The following GTF3C2 variants were observed in gnomAD, a reference collection of about 807,000 sequenced individuals.
GTF3C2 encodes general transcription factor IIIC subunit 2.
In GTF3C2, 17 loss-of-function variants were observed where a neutral mutation model predicts 117.4. That is an observed-to-expected ratio of 0.14 (90% CI 0.10 to 0.22). The LOEUF is 0.22. GTF3C2 is among the 10% of genes least tolerant of loss of function. The pLI is 1.00. For missense variants in GTF3C2, 888 were observed against 1,143.6 expected (o/e 0.78, Z 3.22); for synonymous variants, 437 against 427.0 (o/e 1.02, Z -0.29).
At chr2:27,337,408 T>C (rs1477556726) in intron 6 of GTF3C2, 66 bp from the exon 7 acceptor site, 17 of 1,466,004 alleles carry the variant, frequency 1.2e-5, no homozygotes, top group South Asian at 4.5e-5. Flanking sequence ...GTTCCCATTA[T>C]AGAGCCTCTG....
At chr2:27,326,713 A>C in exon 19 of GTF3C2, 1 of 1,614,118 alleles carries the variant, frequency 6.2e-7, no homozygotes, top group Non-Finnish European at 8.5e-7. Context: ...GTTGGAGAGA[A>C]GCCAGGCCGT....
chr2:27,342,345 C>A, intron 3 of GTF3C2, 112 bp from the exon 4 acceptor site: 2 of 798,116 alleles, frequency 2.5e-6, no homozygotes, highest in Non-Finnish European at 3.9e-6. Context: ...CATGATTAAC[C>A]AATTAACTCT....
chr2:27,333,179 T>TC (rs1159806856), intron 12 of GTF3C2, among the ~76,000 whole-genome samples: 3 of 147,022 alleles, frequency 2.0e-5, no homozygotes, highest in Admixed American at 6.8e-5. Context: ...TTTTTTTTTT[T>TC]CCAGACAGGA....
At chr2:27,350,565 C>T in intron 1 of GTF3C2, 1 of 924,586 alleles carries the variant, frequency 1.1e-6, no homozygotes, top group Non-Finnish European at 1.3e-6. Context: ...TTTGGGAGGC[C>T]AAGGTGGGAG....
rs769518542 is a variant in GTF3C2, at chr2:27,326,766, C to T, written c.2645G>A (p.Arg882Gln). 30 of 1,613,890 alleles carry T rather than the reference C, an allele frequency of 1.9e-5. No individual in the cohort carries two copies. The Admixed American group carries it at 3.2e-4, about 17-fold the overall frequency. The change falls in exon 19 of 19, where the codon CGA (arginine) becomes CAA (glutamine). Residue 882 changes from arginine (R) to glutamine (Q), a missense_variant. Around this residue, in one of 7 missense-constraint regions of GTF3C2, gnomAD observed 53 missense variants for 43.6 expected, o/e 1.22. Coordinates refer to ENST00000264720, the Ensembl canonical transcript of GTF3C2. ...TTGGAACATAGCATTGAAGTGGGCT[C>T]GGCTTTCAAGCTGCATACGGTGGCC...
At position 27,342,061 on chromosome 2, in the gene GTF3C2, A is replaced by G. The variant is rs756459951; in HGVS notation, c.742T>C (p.Phe248Leu). 6 of 1,613,988 alleles carry G rather than the reference A, an allele frequency of 3.7e-6. No homozygotes were observed. In the Admixed American group the frequency reaches 5.0e-5, roughly 13 times the overall value. The change falls in exon 4 of 19, where the codon TTT becomes CTT. Residue 248 changes from phenylalanine (F) to leucine (L), a missense_variant. Phe to Leu is a conservative substitution (Grantham distance 22, BLOSUM62 0). Transcript: ENST00000264720. ...TCTTCAGCCTCAACCTGGAGAAAAAAGTCTTCATCCCGTGGAGCACCATCC... is the reference window on the plus strand; with the variant it reads ...TCTTCAGCCTCAACCTGGAGAAAAAGGTCTTCATCCCGTGGAGCACCATCC...
At chr2:27,351,606 C>T (rs548571689) in intron 1 of GTF3C2, among the ~76,000 whole-genome samples, 74 of 152,256 alleles carry the variant, frequency 4.9e-4, no homozygotes, top group African/African-American at 1.7e-3. Context: ...AAAATCTGCA[C>T]CAGCAAATAC....
chr2:27,329,156 A>G lies in GTF3C2; in HGVS notation c.2004T>C (p.Asn668=). Residue 668 remains asparagine, a synonymous_variant, in exon 14 of 19, where the codon AAT becomes AAC. Coordinates refer to ENST00000264720, the Ensembl canonical transcript of GTF3C2. This position sits in a 1 kb window ranked among gnomAD's most constrained non-coding sequence, Gnocchi z 4.5. ...AGTTGTCCTGAGCCACAGTGACACC[A>G]TTGTAGGGAAGCAGCCAGGCCAGTT... 6.2e-7 allele frequency: 1 copy of G among 1,614,146 alleles called. No individual in the cohort carries two copies. The highest frequency in any genetic ancestry group is 8.5e-7 in the Non-Finnish European group (1 of 1,180,014).
rs1014096871 is a variant in GTF3C2, at chr2:27,342,723, C to T, written c.569+103G>A. ...AAGTCCCTAGAATCCAGACACCACC[C>T]CTGCTTACCTAATACCTCATCAGTC... On this transcript the variant is annotated intron_variant, in intron 3 of 18. Coordinates refer to ENST00000264720, the Ensembl canonical transcript of GTF3C2. 3.4e-5 allele frequency: 28 copies of T among 833,300 alleles called. No individual in the cohort carries two copies. In the Admixed American group the frequency reaches 5.9e-4, roughly 18 times the overall value. 51.6% of individuals were successfully genotyped at this position (833,300 alleles called of 1,614,324 possible).
At chr2:27,348,904 T>C (rs1387241411) in intron 1 of GTF3C2, among the ~76,000 whole-genome samples, 1 of 152,154 alleles carries the variant, frequency 6.6e-6, no homozygotes, top group Admixed American at 6.5e-5. Context: ...TGGCCTGATC[T>C]CAGCTCACTG....
At chr2:27,342,324 C>T (rs1037217364) in intron 3 of GTF3C2, 91 bp from the exon 4 acceptor site, 9 of 975,304 alleles carry the variant, frequency 9.2e-6, no homozygotes, top group African/African-American at 1.6e-5. Context: ...AATGGAGCCT[C>T]CCAATAACCC....
intron 1 of GTF3C2, among the ~76,000 whole-genome samples, chr2:27,347,765 A>G (rs1175328658): frequency 6.6e-6 from 1 of 152,212 alleles, no homozygotes; most frequent in African/African-American, 2.4e-5. Context: ...AACAGTATTA[A>G]GAGGTGGGAT....
chr2:27,335,778 C>T (rs1312805829), intron 9 of GTF3C2, 72 bp from the exon 10 acceptor site: 2 of 1,137,910 alleles, frequency 1.8e-6, no homozygotes, highest in African/African-American at 3.1e-5. Flanking sequence ...GGTTCTAGTC[C>T]CTGAAATACT....
At chr2:27,356,527 C>A (rs911646683) in intron 1 of GTF3C2, 1 of 226,372 alleles carries the variant, frequency 4.4e-6, no homozygotes, top group African/African-American at 2.2e-5. Flanking sequence ...AGACCCGAGG[C>A]TTGCAGAGAT....
rs917634861 is a variant in GTF3C2 at position 27,350,931 on chromosome 2, A to G, written c.-25+5808T>C. Among the ~76,000 whole-genome samples, 10 of 149,416 alleles carry G rather than the reference A, an allele frequency of 6.7e-5. No individual in the cohort carries two copies. In the South Asian group the frequency reaches 1.9e-3, roughly 29 times the overall value. ...ACCACTGCACTCTAGTCTGGGCGACACAGCAAGACTCCATCTCAAAAAAAA... is the reference window on the plus strand; with the variant it reads ...ACCACTGCACTCTAGTCTGGGCGACGCAGCAAGACTCCATCTCAAAAAAAA... On this transcript the variant is annotated intron_variant, in intron 1 of 18. Transcript: ENST00000264720.
At chr2:27,350,505 G>C (rs1289062126) in intron 1 of GTF3C2, 1 of 985,504 alleles carries the variant, frequency 1.0e-6, no homozygotes, top group African/African-American at 1.7e-5. Flanking sequence ...GCTGGCTCAA[G>C]AATCATGTGC....
intron 12 of GTF3C2, among the ~76,000 whole-genome samples, chr2:27,333,290 T>C (rs949806692): frequency 3.3e-5 from 5 of 150,616 alleles, no homozygotes; most frequent in Admixed American, 6.7e-5. Flanking sequence ...TAGCTAGGAC[T>C]CCAGGCATGT....
chr2:27,356,039 T>C, intron 1 of GTF3C2: 1 of 1,186,404 alleles, frequency 8.4e-7, no homozygotes, highest in South Asian at 1.3e-5. Flanking sequence ...TGGCACGGGA[T>C]TGACTTAAAA....
chr2:27,328,586 C>T, exon 16 of GTF3C2: 1 of 1,611,276 alleles, frequency 6.2e-7, no homozygotes, highest in Non-Finnish European at 8.5e-7. Flanking sequence ...CCAGTCGGAT[C>T]CTGAAAGACT....
Sources: gnomAD v4.1 joint callset for allele counts (sites outside exome capture counted in the v4.1 genomes callset) on GRCh38, gnomAD v4.1.1 for gene constraint, gnomAD v4.1.1 regional missense constraint, Gnocchi (gnomAD v3.1) non-coding constraint, MANE v1.5 for transcripts, NCBI Gene and HGNC (gene_info 2026-07-23, HGNC 2026-07-21) for gene names.